Variants in PFKM observed in about 807,000 individuals in gnomAD.
PFKM encodes the protein ATP-dependent 6-phosphofructokinase, muscle type.
PFKM carries 58 observed loss-of-function variants against 95.5 expected under a neutral mutation model. That is an observed-to-expected ratio of 0.61 (90% CI 0.49 to 0.76). PFKM has a LOEUF of 0.76. Among genes scored for constraint, PFKM ranks in the 30% least tolerant of loss-of-function variants. The probability of loss-of-function intolerance (pLI) is 0.00; values close to 1 mark genes in which losing one functional copy is unlikely to be tolerated. For missense variants in PFKM, 678 were observed against 1,005.4 expected (o/e 0.67, Z 4.40); for synonymous variants, 336 against 357.2 (o/e 0.94, Z 0.67).
chr12:48,114,448 C>T (rs993036724), upstream of PFKM, among the ~76,000 whole-genome samples: 2 of 152,066 alleles, frequency 1.3e-5, no homozygotes, highest in Non-Finnish European at 1.5e-5. Context: ...AACTGTAAAC[C>T]GGACCGGGTG....
At chr12:48,143,908 C>T in intron 19 of PFKM, 94 bp downstream of exon 19, 1 of 1,128,830 alleles carries the variant, frequency 8.9e-7, no homozygotes, top group Non-Finnish European at 1.4e-6. Context: ...CCTGAGGAAT[C>T]TGTAGATATA....
intron 10 of PFKM, among the ~76,000 whole-genome samples, chr12:48,135,868 AC>A (rs1236748688): frequency 6.6e-6 from 1 of 151,354 alleles, no homozygotes; most frequent in African/African-American, 2.4e-5. Context: ...CTTTACCCCC[AC>A]CCATCCCTCC....
chr12:48,115,191 T>C, upstream of PFKM, among the ~76,000 whole-genome samples: 1 of 152,184 alleles, frequency 6.6e-6, no homozygotes, highest in African/African-American at 2.4e-5. Flanking sequence ...CAGAGAGGCA[T>C]CCCCACGATA....
upstream of PFKM, chr12:48,105,589 G>A: frequency 2.1e-6 from 1 of 466,856 alleles, no homozygotes; most frequent in South Asian, 1.6e-5. Flanking sequence ...AATATCACTC[G>A]GGTCTCAAGG....
chr12:48,134,437 C>A (rs2286021), intron 7 of PFKM, among the ~76,000 whole-genome samples, 161 bp downstream of exon 7: 1 of 152,160 alleles, frequency 6.6e-6, no homozygotes, highest in Admixed American at 6.5e-5. Flanking sequence ...TCTGTTACAT[C>A]CCCACACATG....
chr12:48,142,385 A>AT, intron 17 of PFKM: 1 of 439,368 alleles, frequency 2.3e-6, no homozygotes, highest in Non-Finnish European at 4.2e-6. Context: ...AGGCAGGAAA[A>AT]TTGCTTGAAC....
At chr12:48,131,051 C>T (rs2135852661) in intron 3 of PFKM, among the ~76,000 whole-genome samples, 1 of 152,190 alleles carries the variant, frequency 6.6e-6, no homozygotes, top group African/African-American at 2.4e-5. Flanking sequence ...TAGGATGAGC[C>T]AAAAATAAGA....
chr12:48,108,116 C>A, exon 3 of PFKM: 1 of 1,599,292 alleles, frequency 6.3e-7, no homozygotes, highest in Non-Finnish European at 8.5e-7. Context: ...AAAGCCACCA[C>A]CAAAGACAGA....
intron 3 of PFKM, among the ~76,000 whole-genome samples, chr12:48,110,268 C>G (rs117528297): frequency 6.6e-6 from 1 of 152,040 alleles, no homozygotes; most frequent in Non-Finnish European, 1.5e-5. Context: ...GGAGGAATAG[C>G]GGGAGAGTGA....
At chr12:48,144,300 G>T (rs1950836922) in intron 20 of PFKM, 143 bp downstream of exon 20, 1 of 713,698 alleles carries the variant, frequency 1.4e-6, no homozygotes, top group Admixed American at 2.0e-5. Flanking sequence ...GCATGGGCCT[G>T]CAGTCTCTTA....
At chr12:48,119,210 AGAG>A, upstream of PFKM, 3 of 899,102 alleles carry the variant, frequency 3.3e-6, no homozygotes, top group Non-Finnish European at 4.0e-6. Flanking sequence ...GGGAGGAGGA[AGAG>A]GAGGAGAAAG....
At chr12:48,121,861 A>C (rs1409246488) in intron 1 of PFKM, among the ~76,000 whole-genome samples, 1 of 152,162 alleles carries the variant, frequency 6.6e-6, no homozygotes, top group Non-Finnish European at 1.5e-5. Flanking sequence ...GGAGGAGATA[A>C]ATTTAAAATA....
chr12:48,137,463 C>T (rs1950201903), intron 10 of PFKM: 1 of 545,866 alleles, frequency 1.8e-6, no homozygotes, highest in Non-Finnish European at 3.3e-6. Context: ...CCCCAGTAAT[C>T]CTGTTGATTA....
At position 48,142,060 on chromosome 12, in the gene PFKM, C is replaced by G; in HGVS notation, c.1647C>G (p.Ile549Met). The change falls in exon 17 of 23, where the codon ATC (isoleucine) becomes ATG (methionine). Residue 549 changes from isoleucine (I) to methionine (M), a missense_variant. Transcript: ENST00000359794. ...GGGCTGACACAGCACTCAATACTAT[C>G]TGCACAGTGAGAGCCTATCACCACT... is the stretch of plus-strand genomic sequence containing the variant. Reference protein sequence around the residue: ...SVGADTALNTICTTCDRIKQS... With the variant: ...SVGADTALNTMCTTCDRIKQS... 6.2e-7 allele frequency: 1 copy of G among 1,614,120 alleles called. No individual in the cohort carries two copies. The highest frequency in any genetic ancestry group is 8.5e-7 in the Non-Finnish European group (1 of 1,179,928).
chr12:48,134,784 A>G lies in PFKM; in HGVS notation c.702A>G (p.Pro234=), dbSNP rs138022863. 1.2e-6 allele frequency: 2 copies of G among 1,614,062 alleles called. No individual in the cohort carries two copies. Among genetic ancestry groups the G allele is most frequent in the Admixed American group, 3.3e-5 (2 of 60,030 alleles). ...ACTGGGTTTTTATTCCTGAATGTCC[A>G]CCAGATGACGACTGGGAGGAACACC... The part of the protein sequence containing the change: ...GADWVFIPEC[P]PDDDWEEHLC... The change falls in exon 8 of 23, where the codon CCA becomes CCG. Residue 234 remains proline, a synonymous_variant. Coordinates refer to ENST00000359794, the MANE Select transcript of PFKM (RefSeq NM_000289.6).
chr12:48,137,406 A>AGCAATCTCCTACCTTGT (rs1441121057), intron 10 of PFKM: 7 of 405,706 alleles, frequency 1.7e-5, no homozygotes, highest in African/African-American at 1.4e-4. Context: ...GGAAGAGCAA[A>AGCAATCTCCTACCTTGT]GCAATCTCCT....
intron 1 of PFKM, among the ~76,000 whole-genome samples, chr12:48,121,676 A>AT (rs143071403): frequency 0.011 from 1,614 of 152,296 alleles, 13 homozygotes; most frequent in Middle Eastern, 0.02. Context: ...ATGAAGGTTT[A>AT]TTTTGTGTGT....
chr12:48,119,150 T>C (rs1592634468), upstream of PFKM: 1 of 247,056 alleles, frequency 4.0e-6, no homozygotes, highest in Non-Finnish European at 6.5e-6. Context: ...CCCAGGACTC[T>C]GGGGAGTGAA....
At chr12:48,132,317 C>A in intron 4 of PFKM, 2 of 288,908 alleles carry the variant, frequency 6.9e-6, no homozygotes, top group South Asian at 6.6e-5. Flanking sequence ...GCTATTTTTC[C>A]TGTGAATACC....
Sources: allele counts gnomAD v4.1 joint callset (sites outside exome capture counted in the v4.1 genomes callset), GRCh38; gene constraint gnomAD v4.1.1; transcripts MANE v1.5; gene names NCBI Gene and HGNC (gene_info 2026-07-23, HGNC 2026-07-21).